USH2A: variants seen among roughly 807,000 people sequenced by gnomAD.
USH2A encodes the protein usherin, also known as Usher syndrome 2A (autosomal recessive, mild).
A neutral mutation model predicts 538.9 loss-of-function variants in USH2A; 443 were observed. That is an observed-to-expected ratio of 0.82 (90% CI 0.76 to 0.89). The LOEUF is 0.89. USH2A is among the 40% of genes least tolerant of loss of function. The pLI is 0.00. For synonymous variants in USH2A, 2,413 were observed against 2,273.5 expected (o/e 1.06, Z -1.75); for missense variants, 6,633 against 6,324.8 (o/e 1.05, Z -1.65).
intron 44 of USH2A, among the ~76,000 whole-genome samples, chr1:215,858,757 C>A (rs1664239189): frequency 6.6e-6 from 1 of 151,916 alleles, no homozygotes. Flanking sequence ...TTTATCTTAG[C>A]TGGAGCAAAT....
At chr1:215,707,375 A>T (rs1362318100) in intron 61 of USH2A, among the ~76,000 whole-genome samples, 1 of 152,192 alleles carries the variant, frequency 6.6e-6, no homozygotes, top group Non-Finnish European at 1.5e-5. Context: ...CACTAGATGT[A>T]CCTTAGGTAA....
At chr1:216,274,746 A>G (rs1260402781) in intron 11 of USH2A, among the ~76,000 whole-genome samples, 1 of 152,118 alleles carries the variant, frequency 6.6e-6, no homozygotes, top group East Asian at 1.9e-4. Context: ...ACTCATTTGC[A>G]AAGAAAAGCT....
At chr1:215,800,747 C>A (rs565873911) in intron 49 of USH2A, among the ~76,000 whole-genome samples, 1 of 152,140 alleles carries the variant, frequency 6.6e-6, no homozygotes, top group Admixed American at 6.5e-5. Context: ...TCTTTTCTTT[C>A]CAAATTTATT....
chr1:215,881,001 G>T (rs1664890623), intron 41 of USH2A, among the ~76,000 whole-genome samples: 1 of 152,170 alleles, frequency 6.6e-6, no homozygotes, highest in African/African-American at 2.4e-5. Context: ...AGCTACCTGG[G>T]AGGCTGAGGC....
Position 215,900,329 on chromosome 1 carries a change from T to C in USH2A, c.7452-112A>G, listed in dbSNP as rs532202690. 1.1e-4 allele frequency: 132 copies of C among 1,173,064 alleles called. No individual in the cohort carries two copies. The South Asian group carries it at 1.6e-3, about 14-fold the overall frequency. 72.7% of individuals were successfully genotyped at this position (1,173,064 alleles called of 1,614,324 possible). A position where few individuals can be genotyped will look rare whatever the true frequency, so the allele number is the denominator to read the frequency against. The stretch of plus-strand genomic sequence containing the variant: ...GAGGATGTCAACATACATTTAAGTA[T>C]TGTAATTTTCTGCCATCAAATGAGA... On this transcript the variant is annotated intron_variant, in intron 39 of 71. Transcript: ENST00000307340.
rs1446497650 is a variant in USH2A at position 215,744,917 on chromosome 1, T to C, written c.11390-1582A>G. On this transcript the variant is annotated intron_variant, in intron 58 of 71. Coordinates refer to ENST00000307340, the MANE Select transcript of USH2A (RefSeq NM_206933.4). ...CTAGTAGGTTAAACTACTAACATTC[T>C]ATCATTGATTCCTAAACTCTTATCT... Among the ~76,000 whole-genome samples the C allele has an allele frequency of 2.0e-5, 3 of 152,234 alleles. No homozygotes were observed. In the East Asian group the frequency reaches 5.8e-4, roughly 29 times the overall value.
intron 69 of USH2A, among the ~76,000 whole-genome samples, chr1:215,638,150 G>T (rs1037886750): frequency 2.0e-5 from 3 of 152,100 alleles, no homozygotes; most frequent in African/African-American, 4.8e-5. Context: ...TGATCAACAT[G>T]AATTGGCTGA....
At chr1:216,009,281 T>G (rs2102490573) in intron 32 of USH2A, among the ~76,000 whole-genome samples, 1 of 152,242 alleles carries the variant, frequency 6.6e-6, no homozygotes, top group East Asian at 1.9e-4. Flanking sequence ...CCTCCATTCC[T>G]TCTTCTCCCT....
intron 52 of USH2A, among the ~76,000 whole-genome samples, chr1:215,783,869 G>A (rs1167293489): frequency 6.6e-6 from 1 of 152,128 alleles, no homozygotes; most frequent in Non-Finnish European, 1.5e-5. Context: ...TGGACGTGGA[G>A]TTAATTCTCA....
intron 61 of USH2A, among the ~76,000 whole-genome samples, chr1:215,683,216 TACACACACACACACAC>T (rs71167830): frequency 0.2 from 29,622 of 149,432 alleles, 3,189 homozygotes; most frequent in South Asian, 0.46. Flanking sequence ...AATAGTTTTA[TACACACACACACACAC>T]ACACACACAC....
Position 215,640,742 on chromosome 1 carries a change from G to T in USH2A, c.14792-8C>A. 1 of 1,608,678 alleles carries T rather than the reference G, an allele frequency of 6.2e-7. No individual in the cohort carries two copies. The highest frequency in any genetic ancestry group is 8.5e-7 in the Non-Finnish European group (1 of 1,177,592). The stretch of plus-strand genomic sequence containing the variant: ...GGGCTCGGTACTGAGGCACTGTGGG[G>T]AGAAAGTTGTATGTTCTAAAAAGGG... On this transcript the variant is annotated splice_region_variant and splice_polypyrimidine_tract_variant and intron_variant, in intron 67 of 71. Transcript: ENST00000307340.
At chr1:215,634,876 G>A (rs547862978) in intron 69 of USH2A, among the ~76,000 whole-genome samples, 173 bp from the exon 70 acceptor site, 96 of 152,326 alleles carry the variant, frequency 6.3e-4, no homozygotes, top group African/African-American at 2.3e-3. Flanking sequence ...GCAGGTTGCT[G>A]GGTTATAACG....
At chr1:216,209,819 CTT>C (rs1184710749) in intron 15 of USH2A, among the ~76,000 whole-genome samples, 7 of 152,164 alleles carry the variant, frequency 4.6e-5, no homozygotes, top group Admixed American at 2.6e-4. Context: ...GAAGGACAGT[CTT>C]TTGTTACAAT....
intron 16 of USH2A, among the ~76,000 whole-genome samples, chr1:216,205,183 T>C (rs927663168): frequency 6.6e-6 from 1 of 152,206 alleles, no homozygotes; most frequent in African/African-American, 2.4e-5. Context: ...GTGACCCTAA[T>C]TCACAACTTC....
chr1:215,956,490 G>A (rs1667072199), intron 37 of USH2A, among the ~76,000 whole-genome samples: 1 of 152,108 alleles, frequency 6.6e-6, no homozygotes, highest in South Asian at 2.1e-4. Context: ...ATTGTATTTT[G>A]CTTCTAACAG....
chr1:216,406,653 C>T (rs1237323610), intron 3 of USH2A, among the ~76,000 whole-genome samples: 2 of 152,136 alleles, frequency 1.3e-5, no homozygotes, highest in Non-Finnish European at 2.9e-5. Flanking sequence ...CAGATTGTTG[C>T]AGGTATTTCA....
chr1:215,966,372 G>A (rs1450892302), intron 36 of USH2A, among the ~76,000 whole-genome samples: 2 of 152,272 alleles, frequency 1.3e-5, no homozygotes, highest in East Asian at 3.9e-4. Flanking sequence ...ATCACTCATA[G>A]ATATTTGACC....
At chr1:216,338,501 G>T (rs951590337) in intron 4 of USH2A, among the ~76,000 whole-genome samples, 2 of 151,446 alleles carry the variant, frequency 1.3e-5, no homozygotes, top group Non-Finnish European at 3.0e-5. Flanking sequence ...TGATAAAAGA[G>T]AATTTCTTAA....
At chr1:215,725,704 G>GA (rs1261581169) in intron 61 of USH2A, among the ~76,000 whole-genome samples, 7 of 151,896 alleles carry the variant, frequency 4.6e-5, no homozygotes, top group East Asian at 1.9e-4. Context: ...GACATTGCAA[G>GA]AAAAAAAATC....
Sources: gnomAD v4.1 joint callset for allele counts (sites outside exome capture counted in the v4.1 genomes callset) on GRCh38, gnomAD v4.1.1 for gene constraint, MANE v1.5 for transcripts, NCBI Gene and HGNC (gene_info 2026-07-23, HGNC 2026-07-21) for gene names.